Variants in SHISA9 observed in about 807,000 individuals in gnomAD.
SHISA9 encodes protein shisa-9.
Under a neutral mutation model 38.0 loss-of-function variants are expected in SHISA9, and 13 were observed. The observed-to-expected ratio is 0.34, with a 90% confidence interval of 0.22 to 0.54. The LOEUF (loss-of-function observed/expected upper bound fraction) is 0.54, where lower values mean the gene tolerates loss of function less well. Among genes scored for constraint, SHISA9 ranks in the 20% least tolerant of loss-of-function variants. SHISA9 has a pLI of 0.91. For missense variants in SHISA9, 538 were observed against 575.8 expected, an observed-to-expected ratio of 0.93 and a Z score of 0.67; for synonymous variants, 275 against 242.0, an observed-to-expected ratio of 1.14 and a Z score of -1.27.
chr16:13,120,569 G>C (rs1044554056), intron 2 of SHISA9, among the ~76,000 whole-genome samples: 1 of 152,118 alleles, frequency 6.6e-6, no homozygotes, highest in African/African-American at 2.4e-5. Context: ...GCAAAACAAG[G>C]CGTGAAAACA....
At chr16:12,937,095 A>G (rs1049332745) in intron 2 of SHISA9, among the ~76,000 whole-genome samples, 10 of 152,142 alleles carry the variant, frequency 6.6e-5, no homozygotes, top group Non-Finnish European at 1.2e-4. Context: ...ACCTATGTGC[A>G]TATTTTTTGA....
the SHISA9 span, among the ~76,000 whole-genome samples, chr16:13,434,419 G>GTTTTTTTTTTTTTTTTTTTTTT: frequency 2.2e-3 from 145 of 64,478 alleles, 14 homozygotes; most frequent in South Asian, 4.5e-3. Context: ...GACAAGCTAT[G>GTTTTTTTTTTTTTTTTTTTTTT]TTTTTTTTTT....
chr16:13,107,091 G>A (rs192775576), intron 2 of SHISA9, among the ~76,000 whole-genome samples: 5 of 151,948 alleles, frequency 3.3e-5, no homozygotes, highest in South Asian at 2.1e-4. Context: ...TGAGCTTTGC[G>A]TTTATTCCCC....
At chr16:13,456,719 A>G in the SHISA9 span, among the ~76,000 whole-genome samples, 1 of 152,234 alleles carries the variant, frequency 6.6e-6, no homozygotes, top group Non-Finnish European at 1.5e-5. Context: ...CTGAAGACTA[A>G]TGATCAGCGC....
the SHISA9 span, among the ~76,000 whole-genome samples, chr16:13,494,195 C>G: frequency 1.3e-5 from 2 of 152,138 alleles, no homozygotes; most frequent in Non-Finnish European, 2.9e-5. Context: ...GAATAAATTC[C>G]CTTTGTATCA....
At chr16:13,335,391 G>T in the SHISA9 span, among the ~76,000 whole-genome samples, 1 of 152,116 alleles carries the variant, frequency 6.6e-6, no homozygotes, top group African/African-American at 2.4e-5. Context: ...TTCTGGTTCC[G>T]CTTCCATCAT....
the SHISA9 span, among the ~76,000 whole-genome samples, chr16:13,288,505 T>A: frequency 6.6e-6 from 1 of 151,892 alleles, no homozygotes; most frequent in East Asian, 1.9e-4. Context: ...GAGATCAAGA[T>A]CTGTTTTCGG....
intron 2 of SHISA9, among the ~76,000 whole-genome samples, chr16:13,115,420 G>A (rs2074022247): frequency 6.6e-6 from 1 of 152,238 alleles, no homozygotes; most frequent in South Asian, 2.1e-4. Context: ...GGGAAACGAA[G>A]GGATGGGCCG....
In SHISA9 at chr16:12,975,920, TTTAG is replaced by T. The variant is rs1339922836; in HGVS notation, c.691+59109_691+59112del. ...AGTGAACATTAAGCCAACAGAAACT[TTTAG>T]TTAAATTTTAATTCATCAGCAAATC... On this transcript the variant is annotated intron_variant, in intron 2 of 4. Transcript: ENST00000558583. 6.6e-5 allele frequency among the ~76,000 whole-genome samples: 10 copies of T among 152,108 alleles called. No homozygotes were observed. The East Asian group carries it at 1.7e-3, about 26-fold the overall frequency.
At chr16:13,386,541 C>T in the SHISA9 span, among the ~76,000 whole-genome samples, 1 of 152,160 alleles carries the variant, frequency 6.6e-6, no homozygotes, top group Non-Finnish European at 1.5e-5. Flanking sequence ...TTCCAAGAAT[C>T]TAATAAATTA....
At chr16:13,545,333 A>C in the SHISA9 span, among the ~76,000 whole-genome samples, 1 of 152,218 alleles carries the variant, frequency 6.6e-6, no homozygotes, top group African/African-American at 2.4e-5. Flanking sequence ...AAACAAGATC[A>C]AAAAAAGCAG....
chr16:13,190,436 G>A (rs564646541), intron 2 of SHISA9, among the ~76,000 whole-genome samples: 10 of 152,202 alleles, frequency 6.6e-5, no homozygotes, highest in East Asian at 3.9e-4. Flanking sequence ...TGGTTTCTTC[G>A]TCCACATATA....
At chr16:13,173,803 T>G (rs891331533) in intron 2 of SHISA9, among the ~76,000 whole-genome samples, 1 of 152,140 alleles carries the variant, frequency 6.6e-6, no homozygotes, top group Non-Finnish European at 1.5e-5. Context: ...GGTCAATGTA[T>G]TCTAAGCCAG....
chr16:13,287,306 G>A, the SHISA9 span, among the ~76,000 whole-genome samples: 4 of 152,206 alleles, frequency 2.6e-5, no homozygotes, highest in East Asian at 1.9e-4. Context: ...TTGAGGCACC[G>A]GTGGAACTAT....
chr16:13,145,711 A>G (rs2050441600), intron 2 of SHISA9, among the ~76,000 whole-genome samples: 1 of 152,232 alleles, frequency 6.6e-6, no homozygotes, highest in East Asian at 1.9e-4. Flanking sequence ...TATTAATAAT[A>G]GTGATGGTTG....
intron 1 of SHISA9, among the ~76,000 whole-genome samples, chr16:12,914,058 T>G (rs1439005478): frequency 1.3e-5 from 2 of 149,648 alleles, no homozygotes; most frequent in African/African-American, 4.9e-5. Flanking sequence ...TTTTTTTTTT[T>G]TTTTTGAGAT....
the SHISA9 span, among the ~76,000 whole-genome samples, chr16:13,401,631 C>T: frequency 4.6e-5 from 7 of 151,022 alleles, no homozygotes; most frequent in African/African-American, 1.4e-4. Flanking sequence ...CTATTCCCCC[C>T]GTATGAGGAC....
chr16:13,502,726 A>C, the SHISA9 span, among the ~76,000 whole-genome samples: 1 of 151,792 alleles, frequency 6.6e-6, no homozygotes, highest in Non-Finnish European at 1.5e-5. Flanking sequence ...AATACAAAAC[A>C]ATTAGCCAGG....
intron 2 of SHISA9, among the ~76,000 whole-genome samples, chr16:13,070,866 C>T (rs750444430): frequency 5.9e-5 from 9 of 152,172 alleles, no homozygotes; most frequent in Non-Finnish European, 1.3e-4. Flanking sequence ...AAGAAGTCCT[C>T]ACAGCCGCCT....
Sources: allele counts gnomAD v4.1 joint callset (sites outside exome capture counted in the v4.1 genomes callset), GRCh38; gene constraint gnomAD v4.1.1; transcripts MANE v1.5; gene names NCBI Gene and HGNC (gene_info 2026-07-23, HGNC 2026-07-21).